The following NSUN4 variants were observed in gnomAD, a reference collection of about 807,000 sequenced individuals.
The protein encoded by NSUN4 is 5-cytosine rRNA methyltransferase NSUN4.
In NSUN4, 31 loss-of-function variants were observed where a neutral mutation model predicts 43.8. The observed-to-expected ratio is 0.71, with a 90% CI of 0.53 to 0.96. NSUN4 has a LOEUF of 0.96. Ranked by LOEUF, NSUN4 falls within the 40% of genes least tolerant of loss-of-function variation. The pLI, the probability that NSUN4 is intolerant of heterozygous loss-of-function variation, is 0.00. For missense variants in NSUN4, 439 were observed against 475.6 expected, an observed-to-expected ratio of 0.92 and a Z score of 0.72; for synonymous variants, 167 against 184.1, an observed-to-expected ratio of 0.91 and a Z score of 0.75.
In NSUN4 at chr1:46,345,574, C is replaced by T. The variant is rs151058240; in HGVS notation, c.437+430C>T. On this transcript the variant is annotated intron_variant, in intron 2 of 5. Transcript: ENST00000474844. ...TATTCACAGCAGTCTTCTCATTTTG[C>T]CCTCACAGCCACCCATCAAAGTGAA... is the stretch of plus-strand genomic sequence containing the variant. 2.0e-3 allele frequency among the ~76,000 whole-genome samples: 311 copies of T among 152,252 alleles called. 1 individual carries two copies. Among genetic ancestry groups the T allele is most frequent in the African/African-American group, 4.9e-3 (204 of 41,542 alleles).
chr1:46,354,273 A>AT (rs941543006), intron 4 of NSUN4, among the ~76,000 whole-genome samples: 2 of 151,386 alleles, frequency 1.3e-5, no homozygotes, highest in African/African-American at 2.4e-5. Flanking sequence ...CCAGCAAATG[A>AT]TTTTTTGTAG....
chr1:46,372,378 C>T, the NSUN4 span, among the ~76,000 whole-genome samples: 2 of 152,050 alleles, frequency 1.3e-5, no homozygotes, highest in South Asian at 2.1e-4. Context: ...CTCCTGACCT[C>T]GTGATCCACA....
chr1:46,359,442 C>T (rs182976358), intron 4 of NSUN4, among the ~76,000 whole-genome samples: 223 of 151,464 alleles, frequency 1.5e-3, no homozygotes, highest in South Asian at 8.6e-3. Flanking sequence ...TGCAGTGGCG[C>T]GGTCTTGGCT....
chr1:46,361,783 A>G lies in NSUN4; in HGVS notation c.1092A>G (p.Val364=), dbSNP rs774746381. 27 of 1,614,174 alleles carry G rather than the reference A, an allele frequency of 1.7e-5. No homozygotes were observed. The highest frequency in any genetic ancestry group is 2.2e-5 in the Non-Finnish European group (26 of 1,180,020). Residue 364 remains valine (V), a synonymous_variant, in exon 6 of 6, where the codon GTA becomes GTG. Transcript: ENST00000474844. ...FFSSCQVGEL[V]IPNLMANFGP... ...CATCCTGTCAGGTTGGGGAGCTGGT[A>G]ATACCAAACCTCATGGCCAATTTTG...
chr1:46,361,147 AAAAAAC>A (rs924300394), intron 5 of NSUN4, among the ~76,000 whole-genome samples: 18 of 152,194 alleles, frequency 1.2e-4, no homozygotes, highest in South Asian at 2.1e-4. Context: ...ACTCTGTCTC[AAAAAAC>A]AAAAACAAAA....
the NSUN4 span, among the ~76,000 whole-genome samples, chr1:46,375,736 C>A: frequency 3.9e-3 from 272 of 69,880 alleles, no homozygotes; most frequent in Middle Eastern, 0.015. Context: ...GACTCTGTCT[C>A]AAAAAAAAAA....
intron 4 of NSUN4, among the ~76,000 whole-genome samples, 187 bp downstream of exon 4, chr1:46,353,215 A>G (rs988438690): frequency 6.6e-6 from 1 of 152,238 alleles, no homozygotes; most frequent in African/African-American, 2.4e-5. Flanking sequence ...TATTATCTCT[A>G]TTAAAGATAG....
At chr1:46,358,343 G>A (rs958107155) in intron 4 of NSUN4, among the ~76,000 whole-genome samples, 5 of 150,190 alleles carry the variant, frequency 3.3e-5, no homozygotes, top group Admixed American at 2.0e-4. Context: ...TGATCTGCCC[G>A]CCTCGGCCTC....
intron 4 of NSUN4, among the ~76,000 whole-genome samples, chr1:46,358,500 T>G (rs1569765143): frequency 6.9e-6 from 1 of 144,528 alleles, no homozygotes; most frequent in Admixed American, 7.0e-5. Flanking sequence ...CTCCTGGATT[T>G]AAGCGATTCT....
intron 2 of NSUN4, among the ~76,000 whole-genome samples, chr1:46,346,101 A>G (rs938109543): frequency 6.7e-6 from 1 of 149,252 alleles, no homozygotes; most frequent in Non-Finnish European, 1.5e-5. Flanking sequence ...CAGTGAGCTG[A>G]GATCGTGCCA....
chr1:46,362,186 A>T lies in NSUN4; in HGVS notation c.*340A>T. On this transcript the variant is annotated 3_prime_UTR_variant, in exon 6 of 6. Transcript: ENST00000474844. Reference sequence around the variant, plus strand: ...GCATTTGGCCAATAAAGTTGTTGAAACTCTATAGACCTGGGGCTGCAGTTG... The same window carrying T: ...GCATTTGGCCAATAAAGTTGTTGAATCTCTATAGACCTGGGGCTGCAGTTG... 6.8e-6 allele frequency: 2 copies of T among 294,604 alleles called. No individual in the cohort carries two copies. The highest frequency in any genetic ancestry group is 1.1e-3 in the Middle Eastern group (1 of 928). 18.2% of individuals were successfully genotyped at this position (294,604 alleles called of 1,614,324 possible).
chr1:46,375,100 C>CCCT, the NSUN4 span, among the ~76,000 whole-genome samples: 2 of 151,532 alleles, frequency 1.3e-5, no homozygotes, highest in Non-Finnish European at 2.9e-5. Context: ...ATTGATAAAC[C>CCCT]CCTGACTAAA....
the NSUN4 span, among the ~76,000 whole-genome samples, chr1:46,374,801 G>A: frequency 6.6e-6 from 1 of 151,294 alleles, no homozygotes; most frequent in Admixed American, 6.6e-5. Flanking sequence ...GAGTATATGA[G>A]TATATGAGTA....
Position 46,363,632 on chromosome 1 carries a change from A to T in NSUN4, c.*1786A>T, listed in dbSNP as rs77541428. On this transcript the variant is annotated 3_prime_UTR_variant, in exon 6 of 6. Coordinates refer to ENST00000474844, the MANE Select transcript of NSUN4 (RefSeq NM_199044.4). ...GGATAAATCCTAGAGAAACTCATACATGTACACCAGGAGATGTGTACAAGA... is the reference window on the plus strand; with the variant it reads ...GGATAAATCCTAGAGAAACTCATACTTGTACACCAGGAGATGTGTACAAGA... The T allele has an allele frequency of 3.9e-5, 6 of 152,716 alleles. No homozygotes were observed. In the East Asian group the frequency reaches 1.2e-3, roughly 29 times the overall value. The allele number at this position is 152,716 out of a possible 1,614,324, so 9.5% of individuals were successfully genotyped here.
chr1:46,380,465 A>G, the NSUN4 span, among the ~76,000 whole-genome samples: 1 of 152,206 alleles, frequency 6.6e-6, no homozygotes, highest in African/African-American at 2.4e-5. Flanking sequence ...CTTCTAGTCC[A>G]TGACCTTAGC....
intron 1 of NSUN4, chr1:46,343,241 C>T: frequency 2.5e-6 from 1 of 399,712 alleles, no homozygotes; most frequent in South Asian, 1.3e-4. Context: ...GGGGCCCACC[C>T]CAACCTCGTT....
intron 3 of NSUN4, among the ~76,000 whole-genome samples, chr1:46,348,819 T>TG (rs1662739602): frequency 7.1e-6 from 1 of 141,624 alleles, no homozygotes; most frequent in African/African-American, 2.7e-5. Flanking sequence ...TTTTTTTTTT[T>TG]TTTTTTTTTT....
chr1:46,342,794 T>A, intron 1 of NSUN4: 1 of 392,818 alleles, frequency 2.5e-6, no homozygotes. Flanking sequence ...AGTCACATAC[T>A]CCCCACAAAT....
chr1:46,361,761 C>T lies in NSUN4; in HGVS notation c.1070C>T (p.Ser357Phe). 1 of 1,614,174 alleles carries T rather than the reference C, an allele frequency of 6.2e-7. No homozygotes were observed. The highest frequency in any genetic ancestry group is 8.5e-7 in the Non-Finnish European group (1 of 1,180,012). Residue 357 changes from serine to phenylalanine, a missense_variant, in exon 6 of 6, where the codon TCC becomes TTC. Physicochemically the swap from Ser to Phe is radical, Grantham distance 155 (BLOSUM62 -2). Coordinates refer to ENST00000474844, the MANE Select transcript of NSUN4 (RefSeq NM_199044.4). ...VFMDTFCFFS[S>F]CQVGELVIPN... Reference sequence around the variant, plus strand: ...ATGGACACATTTTGTTTCTTCTCATCCTGTCAGGTTGGGGAGCTGGTAATA... The same window carrying T: ...ATGGACACATTTTGTTTCTTCTCATTCTGTCAGGTTGGGGAGCTGGTAATA...
Sources: allele counts gnomAD v4.1 joint callset (sites outside exome capture counted in the v4.1 genomes callset), GRCh38; gene constraint gnomAD v4.1.1; transcripts MANE v1.5; gene names NCBI Gene and HGNC (gene_info 2026-07-23, HGNC 2026-07-21).